Variants in AGBL1 observed in about 807,000 individuals in gnomAD.
The protein encoded by AGBL1 is AGBL carboxypeptidase 1.
Under a neutral mutation model 118.9 loss-of-function variants are expected in AGBL1, and 130 were observed. The observed-to-expected ratio is 1.09, with a 90% CI of 0.95 to 1.26. The LOEUF is 1.26. AGBL1 is among the 50% of genes most tolerant of loss of function. AGBL1 has a pLI of 0.00. For missense variants in AGBL1, 1,584 were observed against 1,298.1 expected, an observed-to-expected ratio of 1.22 and a Z score of -3.38; for synonymous variants, 555 against 478.9, an observed-to-expected ratio of 1.16 and a Z score of -2.08.
intron 22 of AGBL1, among the ~76,000 whole-genome samples, chr15:86,760,615 C>T (rs1050032958): frequency 6.6e-6 from 1 of 152,066 alleles, no homozygotes; most frequent in Non-Finnish European, 1.5e-5. Flanking sequence ...CCAGCTGCTG[C>T]CACAAGAGGT....
chr15:86,968,188 A>AT (rs1159185804), intron 23 of AGBL1, among the ~76,000 whole-genome samples: 1 of 151,868 alleles, frequency 6.6e-6, no homozygotes, highest in Non-Finnish European at 1.5e-5. Context: ...TGACAATGAC[A>AT]TTGGATTTGG....
intron 22 of AGBL1, among the ~76,000 whole-genome samples, chr15:86,831,561 A>C (rs188968653): frequency 2.2e-4 from 34 of 152,218 alleles, no homozygotes; most frequent in Non-Finnish European, 3.7e-4. Context: ...TTAAAGCTCC[A>C]GAATGTTCTC....
At chr15:86,560,655 A>G (rs1490612278) in intron 21 of AGBL1, among the ~76,000 whole-genome samples, 1 of 152,236 alleles carries the variant, frequency 6.6e-6, no homozygotes, top group African/African-American at 2.4e-5. Context: ...TTATATACCC[A>G]GTAATGGGAT....
chr15:86,274,049 T>C (rs115819506), intron 15 of AGBL1, among the ~76,000 whole-genome samples: 1,542 of 152,324 alleles, frequency 0.01, 33 homozygotes, highest in African/African-American at 0.033. Flanking sequence ...CAGATTAGTT[T>C]ATACATTTAA....
intron 22 of AGBL1, among the ~76,000 whole-genome samples, chr15:86,699,111 G>A (rs1242825473): frequency 6.6e-6 from 1 of 151,688 alleles, no homozygotes; most frequent in Non-Finnish European, 1.5e-5. Flanking sequence ...TTTTTTTAGT[G>A]TTTTAATGTT....
At chr15:86,978,872 T>TC (rs2081200682) in intron 23 of AGBL1, among the ~76,000 whole-genome samples, 1 of 152,046 alleles carries the variant, frequency 6.6e-6, no homozygotes, top group Non-Finnish European at 1.5e-5. Context: ...GTCCAGTGGA[T>TC]CCAGTCAGGG....
At chr15:86,993,381 A>G (rs866526697) in intron 24 of AGBL1, among the ~76,000 whole-genome samples, 4 of 152,186 alleles carry the variant, frequency 2.6e-5, no homozygotes, top group Non-Finnish European at 4.4e-5. Flanking sequence ...AAGAATTACT[A>G]TCTCCCACAT....
intron 22 of AGBL1, among the ~76,000 whole-genome samples, chr15:86,897,099 C>T (rs2080140117): frequency 6.6e-6 from 1 of 152,184 alleles, no homozygotes; most frequent in African/African-American, 2.4e-5. Flanking sequence ...TCATTAGGGA[C>T]ACTGACTCCA....
At chr15:86,512,523 A>G (rs1457933945) in intron 18 of AGBL1, among the ~76,000 whole-genome samples, 1 of 151,864 alleles carries the variant, frequency 6.6e-6, no homozygotes, top group Non-Finnish European at 1.5e-5. Flanking sequence ...GGTAAGTCAT[A>G]TCCTGTTATT....
chr15:86,536,726 G>T (rs2083431782), intron 19 of AGBL1, among the ~76,000 whole-genome samples: 1 of 152,138 alleles, frequency 6.6e-6, no homozygotes, highest in South Asian at 2.1e-4. Context: ...GAGGGGAGGG[G>T]AAAATAGGAG....
At chr15:86,548,663 G>GCACGCACA (rs1555424781) in intron 20 of AGBL1, among the ~76,000 whole-genome samples, 1,966 of 142,742 alleles carry the variant, frequency 0.014, 39 homozygotes, top group African/African-American at 0.045. Flanking sequence ...ACACATGCAC[G>GCACGCACA]CACACACACA....
intron 15 of AGBL1, among the ~76,000 whole-genome samples, chr15:86,276,067 T>C (rs2079245952): frequency 6.6e-6 from 1 of 152,210 alleles, no homozygotes; most frequent in South Asian, 2.1e-4. Context: ...TTTTTAATAA[T>C]TAGTAAAAAC....
chr15:86,944,693 C>T (rs760711865), intron 23 of AGBL1, among the ~76,000 whole-genome samples: 12 of 152,168 alleles, frequency 7.9e-5, no homozygotes, highest in South Asian at 2.1e-4. Flanking sequence ...TTCATGAAAT[C>T]TGCAAATTTT....
intron 22 of AGBL1, among the ~76,000 whole-genome samples, chr15:86,801,685 AACTTTAACATGGAGATCTCT>A (rs2078652487): frequency 2.0e-5 from 3 of 152,046 alleles, no homozygotes; most frequent in African/African-American, 7.2e-5. Flanking sequence ...GATTCTTTTT[AACTTTAACATGGAGATCTCT>A]CCATCATGGT....
chr15:86,264,420 T>C lies in AGBL1; in HGVS notation c.1249T>C (p.Cys417Arg), dbSNP rs765116168. The change falls in exon 11 of 23, where the codon TGC becomes CGC. Residue 417 changes from cysteine (C) to arginine (R), a missense_variant. Transcript: ENST00000614907. ...REYAVQTSLL[C>R]RVKTGRSTVH... Reference sequence around the variant, plus strand: ...ATATGCTGTCCAGACTTCCCTTCTGTGCAGGGTGAAGACGGGAAGGTCCAC... The same window carrying C: ...ATATGCTGTCCAGACTTCCCTTCTGCGCAGGGTGAAGACGGGAAGGTCCAC... 32 of 1,613,838 alleles carry C rather than the reference T, an allele frequency of 2.0e-5. No individual in the cohort carries two copies. Among genetic ancestry groups the C allele is most frequent in the Non-Finnish European group, 2.6e-5 (31 of 1,179,884 alleles).
chr15:87,018,953 A>T (rs1567290093), intron 24 of AGBL1, among the ~76,000 whole-genome samples: 1 of 152,172 alleles, frequency 6.6e-6, no homozygotes, highest in African/African-American at 2.4e-5. Flanking sequence ...GAAAACAGAG[A>T]AAAGCAGGGA....
At chr15:87,014,801 A>C (rs2081593699) in intron 24 of AGBL1, among the ~76,000 whole-genome samples, 1 of 152,066 alleles carries the variant, frequency 6.6e-6, no homozygotes, top group Non-Finnish European at 1.5e-5. Flanking sequence ...CTATCTCCCT[A>C]CTTGCCCTCC....
rs572833518 is a variant in AGBL1, at chr15:86,149,633, C to T, written c.263-4797C>T. Reference sequence around the variant, plus strand: ...GAGCACCCAGATTCATAAAGCAAGTCCTTAGAGACCTACAAGAGACTTAGA... The same window carrying T: ...GAGCACCCAGATTCATAAAGCAAGTTCTTAGAGACCTACAAGAGACTTAGA... On this transcript the variant is annotated intron_variant, in intron 3 of 22. Coordinates refer to ENST00000614907, the MANE Select transcript of AGBL1 (RefSeq NM_001386094.1). 2.2e-4 allele frequency among the ~76,000 whole-genome samples: 33 copies of T among 152,206 alleles called. No homozygotes were observed. In the South Asian group the frequency reaches 6.5e-3, roughly 30 times the overall value.
Position 86,295,336 on chromosome 15 carries a change from G to A in AGBL1, c.2302G>A (p.Gly768Arg). 1 of 1,613,328 alleles carries A rather than the reference G, an allele frequency of 6.2e-7. No individual in the cohort carries two copies. Among genetic ancestry groups the A allele is most frequent in the Non-Finnish European group, 8.5e-7 (1 of 1,179,534 alleles). Reference protein sequence around the residue: ...RQDVLCQTLGGNPCPLVTITA... With the variant: ...RQDVLCQTLGRNPCPLVTITA... ...AGATGTTCTCTGCCAGACGCTGGGA[G>A]GGAATCCGTGTCCCTTGGTGACCAT... Residue 768 changes from glycine to arginine, a missense_variant, in exon 17 of 23, where the codon GGG (glycine) becomes AGG (arginine). Gly to Arg is a moderately radical substitution (Grantham distance 125). Transcript: ENST00000614907.
Sources: allele counts gnomAD v4.1 joint callset (sites outside exome capture counted in the v4.1 genomes callset), GRCh38; gene constraint gnomAD v4.1.1; transcripts MANE v1.5; gene names NCBI Gene and HGNC (gene_info 2026-07-23, HGNC 2026-07-21).